Variants in ZC3H11A observed in about 807,000 individuals in gnomAD.
The protein encoded by ZC3H11A is zinc finger CCCH-type containing 11A, also known as zinc finger CCCH domain-containing protein 11A.
A neutral mutation model predicts 90.8 loss-of-function variants in ZC3H11A; 22 were observed. The ratio of observed to expected loss-of-function variants is 0.24; its 90% CI spans 0.17 to 0.35. ZC3H11A has a LOEUF of 0.35. ZC3H11A is among the 10% of genes least tolerant of loss of function. The probability of loss-of-function intolerance (pLI) is 1.00; values close to 1 mark genes in which losing one functional copy is unlikely to be tolerated. For synonymous variants in ZC3H11A, 294 were observed against 339.8 expected (o/e 0.87, Z 1.48); for missense variants, 701 against 964.9 (o/e 0.73, Z 3.62).
chr1:203,852,158 C>T lies in ZC3H11A; in HGVS notation c.2192C>T (p.Thr731Ile). The T allele has an allele frequency of 3.7e-6, 6 of 1,613,614 alleles. No individual in the cohort carries two copies. Among genetic ancestry groups the T allele is most frequent in the Non-Finnish European group, 4.2e-6 (5 of 1,179,830 alleles). Residue 731 changes from threonine (T) to isoleucine (I), a missense_variant, in exon 18 of 18, where the codon ACC (threonine) becomes ATC (isoleucine). Thr to Ile is a moderately conservative substitution (Grantham distance 89, BLOSUM62 -1). Around this residue, in one of 4 missense-constraint regions of ZC3H11A, gnomAD observed 91 missense variants for 86.8 expected, o/e 1.05. Transcript: ENST00000367210. ...NPRDSLVLPP[T>I]QSSSDSSPPE... ...TCTTACAGTCTTGTGCTGCCTCCAA[C>T]CCAGTCCTCTTCAGATTCCTCACCC...
Position 203,850,354 on chromosome 1 carries a change from A to G in ZC3H11A, c.1940-161A>G, listed in dbSNP as rs1007480285. 17 of 1,040,528 alleles carry G rather than the reference A, an allele frequency of 1.6e-5. No homozygotes were observed. In the African/African-American group the frequency reaches 2.4e-4, roughly 15 times the overall value. The allele number at this position is 1,040,528 out of a possible 1,614,324, so 64.5% of individuals were successfully genotyped here. A position where few individuals can be genotyped will look rare whatever the true frequency, so the allele number is the denominator to read the frequency against. ...ATGGTGACCACCTGTAGTGACCACC[A>G]TGTGACCACAAATTGCCTTTGAATC... On this transcript the variant is annotated intron_variant, in intron 15 of 17. Transcript: ENST00000367210.
At chr1:203,809,554 A>T (rs915475843) in intron 2 of ZC3H11A, among the ~76,000 whole-genome samples, 2 of 152,200 alleles carry the variant, frequency 1.3e-5, no homozygotes, top group African/African-American at 2.4e-5. Context: ...TGAAGATTTT[A>T]AAATAATATG....
At chr1:203,811,390 AT>A (rs1360113241) in intron 2 of ZC3H11A, among the ~76,000 whole-genome samples, 1 of 152,202 alleles carries the variant, frequency 6.6e-6, no homozygotes, top group African/African-American at 2.4e-5. Flanking sequence ...CATAGCTACC[AT>A]TTCATTGTTT....
chr1:203,798,107 AGAG>A (rs773384006), intron 1 of ZC3H11A: 216 of 1,536,022 alleles, frequency 1.4e-4, no homozygotes, highest in Non-Finnish European at 1.8e-4. Flanking sequence ...TTGCTAGTGG[AGAG>A]GAGGACTTTA....
chr1:203,796,588 C>T (rs967676533), intron 1 of ZC3H11A: 2 of 396,910 alleles, frequency 5.0e-6, no homozygotes, highest in Admixed American at 4.4e-5. Flanking sequence ...CTAGAGATAG[C>T]GATGCTTTTT....
intron 1 of ZC3H11A, chr1:203,800,152 A>C (rs1670104786): frequency 6.5e-7 from 1 of 1,534,798 alleles, no homozygotes; most frequent in South Asian, 1.2e-5. Flanking sequence ...AAGTATTCAG[A>C]GTTCTCAGGA....
intron 2 of ZC3H11A, among the ~76,000 whole-genome samples, chr1:203,813,202 T>G (rs1675106407): frequency 6.6e-6 from 1 of 151,094 alleles, no homozygotes; most frequent in African/African-American, 2.5e-5. Flanking sequence ...TGTTTTTTTG[T>G]TTTTTGTTTT....
At chr1:203,813,954 A>G (rs1490492290) in intron 2 of ZC3H11A, among the ~76,000 whole-genome samples, 2 of 130,902 alleles carry the variant, frequency 1.5e-5, no homozygotes, top group South Asian at 2.9e-4. Context: ...CCTTTTCTCT[A>G]CAGAGCATAC....
At chr1:203,799,341 G>T (rs1460698590) in intron 1 of ZC3H11A, 1 of 705,476 alleles carries the variant, frequency 1.4e-6, no homozygotes, top group Non-Finnish European at 2.6e-6. Context: ...GAATATGTTA[G>T]TGGCTGCCAG....
At chr1:203,808,724 C>T (rs1326156869) in intron 2 of ZC3H11A, among the ~76,000 whole-genome samples, 1 of 152,110 alleles carries the variant, frequency 6.6e-6, no homozygotes, top group Admixed American at 6.5e-5. Context: ...CTGTTCTTTC[C>T]TCTACTGAAA....
intron 12 of ZC3H11A, among the ~76,000 whole-genome samples, chr1:203,846,803 T>C (rs1421684583): frequency 6.6e-6 from 1 of 152,166 alleles, no homozygotes; most frequent in Non-Finnish European, 1.5e-5. Flanking sequence ...AGAGTTTTCC[T>C]TGAGGACCAC....
intron 9 of ZC3H11A, among the ~76,000 whole-genome samples, 189 bp downstream of exon 9, chr1:203,831,960 C>T (rs1369931107): frequency 1.3e-5 from 2 of 152,236 alleles, no homozygotes; most frequent in East Asian, 3.8e-4. Context: ...CTTTGTCAAG[C>T]AGCCCTCACA....
intron 1 of ZC3H11A, chr1:203,797,406 T>G (rs1310860878): frequency 9.9e-7 from 1 of 1,008,648 alleles, no homozygotes; most frequent in Non-Finnish European, 1.4e-6. Context: ...AGTGGGAATT[T>G]GATTCCCCAT....
rs138669634 is a variant in ZC3H11A, at chr1:203,817,839, G to A, written c.54+715G>A. Among the ~76,000 whole-genome samples the A allele has an allele frequency of 2.8e-3, 432 of 151,736 alleles. 2 individuals are homozygous for A. Among genetic ancestry groups the A allele is most frequent in the African/African-American group, 9.7e-3 (402 of 41,392 alleles). Reference sequence around the variant, plus strand: ...ATGGTCTTGGCTTACTGTAACCTCCGCCTCCCAGGTTCAAGCCATTCTCCT... The same window carrying A: ...ATGGTCTTGGCTTACTGTAACCTCCACCTCCCAGGTTCAAGCCATTCTCCT... On this transcript the variant is annotated intron_variant, in intron 3 of 17. Coordinates refer to ENST00000367210, the MANE Select transcript of ZC3H11A (RefSeq NM_001376342.1).
chr1:203,824,141 C>T (rs1679695458), intron 4 of ZC3H11A, among the ~76,000 whole-genome samples: 1 of 151,842 alleles, frequency 6.6e-6, no homozygotes, highest in African/African-American at 2.4e-5. Context: ...GGTGACGCAG[C>T]CATGTAGTCC....
intron 4 of ZC3H11A, among the ~76,000 whole-genome samples, chr1:203,826,337 TATC>T (rs1275725704): frequency 4.0e-5 from 6 of 151,016 alleles, no homozygotes; most frequent in Admixed American, 2.0e-4. Flanking sequence ...TTTTAGAAAA[TATC>T]AATAATATTA....
intron 12 of ZC3H11A, among the ~76,000 whole-genome samples, chr1:203,846,159 T>TG (rs1327198165): frequency 7.2e-6 from 1 of 138,642 alleles, no homozygotes; most frequent in Non-Finnish European, 1.6e-5. Context: ...TATAATTTTT[T>TG]TGGGGGGGGG....
Position 203,847,394 on chromosome 1 carries a change from A to G in ZC3H11A, c.1253A>G (p.Gln418Arg), listed in dbSNP as rs775722695. The stretch of plus-strand genomic sequence containing the variant: ...CTGGCTGAAAAAAAACATCGGCAGC[A>G]GGAAGCAGAGAGACAAAAAAGCAAA... Reference protein sequence around the residue: ...EVLAEKKHRQQEAERQKSKKD... With the variant: ...EVLAEKKHRQREAERQKSKKD... Residue 418 changes from glutamine to arginine, a missense_variant, in exon 13 of 18, where the codon CAG becomes CGG. Coordinates refer to ENST00000367210, the MANE Select transcript of ZC3H11A (RefSeq NM_001376342.1). 1.2e-6 allele frequency: 2 copies of G among 1,614,016 alleles called. No homozygotes were observed. The highest frequency in any genetic ancestry group is 4.5e-5 in the East Asian group (2 of 44,892).
chr1:203,803,581 AT>A lies in ZC3H11A; in HGVS notation c.-146+566del, dbSNP rs1671184387. ...CAAAGTGAAATCTTCCTGTAATTCCATCTCCTTGGAGAAAAGCACTGGGTTA... is the reference window on the plus strand; with the variant it reads ...CAAAGTGAAATCTTCCTGTAATTCCACTCCTTGGAGAAAAGCACTGGGTTA... On this transcript the variant is annotated intron_variant, in intron 2 of 17. Coordinates refer to ENST00000367210, the MANE Select transcript of ZC3H11A (RefSeq NM_001376342.1). Among the ~76,000 whole-genome samples, 4 of 152,282 alleles carry A rather than the reference AT, an allele frequency of 2.6e-5. No homozygotes were observed. The South Asian group carries it at 8.3e-4, about 32-fold the overall frequency.
Sources: allele counts gnomAD v4.1 joint callset (sites outside exome capture counted in the v4.1 genomes callset), GRCh38; gene constraint gnomAD v4.1.1; regional missense constraint gnomAD v4.1.1; transcripts MANE v1.5; gene names NCBI Gene and HGNC (gene_info 2026-07-23, HGNC 2026-07-21).